Variants in EPHA6 observed in about 807,000 individuals in gnomAD.
The protein encoded by EPHA6 is ephrin type-A receptor 6.
EPHA6 carries 50 observed loss-of-function variants against 112.0 expected under a neutral mutation model. The observed-to-expected ratio is 0.45, with a 90% CI of 0.36 to 0.56. The LOEUF (loss-of-function observed/expected upper bound fraction) is 0.56. Ranked by LOEUF, EPHA6 falls within the 20% of genes least tolerant of loss-of-function variation. The pLI is 0.00. For synonymous variants in EPHA6, 529 were observed against 490.7 expected, an observed-to-expected ratio of 1.08 and a Z score of -1.03; for missense variants, 1,280 against 1,417.4, an observed-to-expected ratio of 0.90 and a Z score of 1.56.
rs536866904 is a variant in EPHA6, at chr3:97,007,412, A to T, written c.1114+19419A>T. 4.9e-5 allele frequency among the ~76,000 whole-genome samples: 7 copies of T among 143,496 alleles called. No homozygotes were observed. In the South Asian group the frequency reaches 1.4e-3, roughly 28 times the overall value. 94.1% of individuals were successfully genotyped at this position (143,496 alleles called of 152,430 possible). A position where few individuals can be genotyped will look rare whatever the true frequency, so the allele number is the denominator to read the frequency against. On this transcript the variant is annotated intron_variant, in intron 3 of 17. Transcript: ENST00000389672. ...TGGTTTAAAGTCTGTTTTATCAGAG[A>T]TTAGGATTGCGGTCCCTGCTTTTTT... is the stretch of plus-strand genomic sequence containing the variant.
chr3:96,920,705 G>A (rs550566076), intron 2 of EPHA6, among the ~76,000 whole-genome samples: 13 of 152,028 alleles, frequency 8.6e-5, no homozygotes, highest in African/African-American at 2.9e-4. Context: ...ATTTTAGGAT[G>A]TATATATGTC....
At chr3:97,342,381 G>A (rs550838908) in intron 5 of EPHA6, among the ~76,000 whole-genome samples, 51 of 152,268 alleles carry the variant, frequency 3.3e-4, no homozygotes, top group African/African-American at 1.2e-3. Context: ...ATTCAAACAA[G>A]TTTCTTCTAT....
intron 15 of EPHA6, among the ~76,000 whole-genome samples, chr3:97,723,172 GA>G (rs1459940012): frequency 6.6e-6 from 1 of 152,158 alleles, no homozygotes; most frequent in African/African-American, 2.4e-5. Context: ...AATTAGATAG[GA>G]TGTCCACAGA....
rs765765745 is a variant in EPHA6, at chr3:97,748,754, A to G, written c.*53A>G. 26 of 913,934 alleles carry G rather than the reference A, an allele frequency of 2.8e-5. No homozygotes were observed. The highest frequency in any genetic ancestry group is 4.1e-5 in the Non-Finnish European group (23 of 556,448). 56.6% of individuals were successfully genotyped at this position (913,934 alleles called of 1,614,324 possible). A position where few individuals can be genotyped will look rare whatever the true frequency, so the allele number is the denominator to read the frequency against. Reference sequence around the variant, plus strand: ...CCTCAGCATTTCTAAAATGAACGATATCCTCTCTACTACTCTCTCTTCTGA... The same window carrying G: ...CCTCAGCATTTCTAAAATGAACGATGTCCTCTCTACTACTCTCTCTTCTGA... On this transcript the variant is annotated 3_prime_UTR_variant, in exon 18 of 18. Transcript: ENST00000389672.
chr3:97,718,415 A>G (rs914454404), intron 14 of EPHA6, among the ~76,000 whole-genome samples: 8 of 152,190 alleles, frequency 5.3e-5, no homozygotes, highest in Non-Finnish European at 1.0e-4. Flanking sequence ...ATAAAAATAT[A>G]GAGTGCCCAG....
rs1196899833 is a variant in EPHA6, at chr3:97,756,381, T to C, written c.*7680T>C. On this transcript the variant is annotated 3_prime_UTR_variant, in exon 18 of 18. Coordinates refer to ENST00000389672, the MANE Select transcript of EPHA6 (RefSeq NM_001080448.3). Reference sequence around the variant, plus strand: ...TAAATTTAACTTGTTTAAATATCCATTGGTATATTATCAAGAGCTATTACT... The same window carrying C: ...TAAATTTAACTTGTTTAAATATCCACTGGTATATTATCAAGAGCTATTACT... Among the ~76,000 whole-genome samples the C allele has an allele frequency of 6.6e-6, 1 of 151,992 alleles. No homozygotes were observed. Among genetic ancestry groups the C allele is most frequent in the East Asian group, 1.9e-4 (1 of 5,204 alleles).
At chr3:97,376,462 A>G (rs935901211) in intron 5 of EPHA6, among the ~76,000 whole-genome samples, 2 of 152,222 alleles carry the variant, frequency 1.3e-5, no homozygotes, top group Non-Finnish European at 2.9e-5. Flanking sequence ...AACAACATGC[A>G]CAGGAATACA....
chr3:97,726,483 A>G (rs905867407), intron 15 of EPHA6, among the ~76,000 whole-genome samples: 2 of 152,136 alleles, frequency 1.3e-5, no homozygotes, highest in Admixed American at 1.3e-4. Context: ...AAAAATTTAT[A>G]AAATGTACCA....
At chr3:96,828,742 A>G (rs376848222) in intron 1 of EPHA6, among the ~76,000 whole-genome samples, 6 of 152,286 alleles carry the variant, frequency 3.9e-5, no homozygotes, top group Admixed American at 3.9e-4. Flanking sequence ...CAACACCTCC[A>G]CAGCTCCATC....
chr3:97,607,811 A>G (rs2093690794), intron 12 of EPHA6, among the ~76,000 whole-genome samples: 2 of 151,306 alleles, frequency 1.3e-5, no homozygotes, highest in South Asian at 2.1e-4. Context: ...GAAAGAGATA[A>G]TAAATTACTT....
intron 6 of EPHA6, among the ~76,000 whole-genome samples, chr3:97,427,701 G>T (rs566692784): frequency 4.6e-5 from 7 of 151,320 alleles, no homozygotes; most frequent in Admixed American, 2.6e-4. Flanking sequence ...AAAAAAAAAT[G>T]TGGTACATAT....
intron 5 of EPHA6, among the ~76,000 whole-genome samples, chr3:97,298,722 A>G (rs2080970137): frequency 6.6e-6 from 1 of 152,104 alleles, no homozygotes. Context: ...AATAAATGTA[A>G]CCATTATTCA....
intron 2 of EPHA6, among the ~76,000 whole-genome samples, chr3:96,879,229 C>T (rs9840304): frequency 0.018 from 2,783 of 152,000 alleles, 73 homozygotes; most frequent in African/African-American, 0.05. Flanking sequence ...TGTTTATAAA[C>T]GTAATTTGGA....
In EPHA6 at chr3:97,753,198, T is replaced by G. The variant is rs1301210712; in HGVS notation, c.*4497T>G. 1.3e-5 allele frequency among the ~76,000 whole-genome samples: 2 copies of G among 152,206 alleles called. No homozygotes were observed. The highest frequency in any genetic ancestry group is 1.3e-4 in the Admixed American group (2 of 15,276). On this transcript the variant is annotated 3_prime_UTR_variant, in exon 18 of 18. Transcript: ENST00000389672. ...AAATATCTATGGAATATCTCCTATATGCACAAAATTTTACTACAAAGATAC... is the reference window on the plus strand; with the variant it reads ...AAATATCTATGGAATATCTCCTATAGGCACAAAATTTTACTACAAAGATAC...
At chr3:96,849,249 G>A (rs1408769195) in intron 1 of EPHA6, among the ~76,000 whole-genome samples, 2 of 152,094 alleles carry the variant, frequency 1.3e-5, no homozygotes, top group Non-Finnish European at 2.9e-5. Context: ...AAAAGTGCCA[G>A]TTTAAATATT....
rs555274130 is a variant in EPHA6, at chr3:97,555,820, G to T, written c.2386+23277G>T. On this transcript the variant is annotated intron_variant, in intron 11 of 17. Transcript: ENST00000389672. Reference sequence around the variant, plus strand: ...TTGTTTGGGTTCATTGTAGATTCTGGATATTAGCCCTTTGTCAGACGAGTA... The same window carrying T: ...TTGTTTGGGTTCATTGTAGATTCTGTATATTAGCCCTTTGTCAGACGAGTA... Among the ~76,000 whole-genome samples, 4 of 152,148 alleles carry T rather than the reference G, an allele frequency of 2.6e-5. No homozygotes were observed. In the South Asian group the frequency reaches 8.3e-4, roughly 32 times the overall value.
At chr3:96,969,569 C>T (rs992754708) in intron 2 of EPHA6, among the ~76,000 whole-genome samples, 3 of 151,770 alleles carry the variant, frequency 2.0e-5, no homozygotes, top group Non-Finnish European at 2.9e-5. Context: ...ATTAGTGGTC[C>T]AAAATATAAC....
chr3:97,226,832 G>A (rs1380425794), intron 4 of EPHA6, among the ~76,000 whole-genome samples: 4 of 152,152 alleles, frequency 2.6e-5, no homozygotes, highest in Non-Finnish European at 5.9e-5. Flanking sequence ...GATTCCAGAG[G>A]AAACTTTAAA....
At chr3:96,895,258 A>C (rs1019151880) in intron 2 of EPHA6, among the ~76,000 whole-genome samples, 1 of 151,754 alleles carries the variant, frequency 6.6e-6, no homozygotes, top group Non-Finnish European at 1.5e-5. Context: ...TTTTTTTCTT[A>C]GTTTTTCACA....
Sources: gnomAD v4.1 joint callset for allele counts (sites outside exome capture counted in the v4.1 genomes callset) on GRCh38, gnomAD v4.1.1 for gene constraint, MANE v1.5 for transcripts, NCBI Gene and HGNC (gene_info 2026-07-23, HGNC 2026-07-21) for gene names.